Variants in LARP4 observed in about 807,000 individuals in gnomAD.
LARP4 encodes la-related protein 4.
A neutral mutation model predicts 92.9 loss-of-function variants in LARP4; 29 were observed. The observed-to-expected ratio is 0.31, with a 90% CI of 0.23 to 0.43. LARP4 has a LOEUF of 0.43. Ranked by LOEUF, LARP4 falls within the 20% of genes least tolerant of loss-of-function variation. The pLI is 1.00. For missense variants in LARP4, 732 were observed against 860.0 expected, an observed-to-expected ratio of 0.85 and a Z score of 1.86; for synonymous variants, 279 against 284.1, an observed-to-expected ratio of 0.98 and a Z score of 0.18.
At chr12:50,430,619 G>C in intron 4 of LARP4, 49 bp downstream of exon 4, 1 of 1,091,470 alleles carries the variant, frequency 9.2e-7, no homozygotes, top group Non-Finnish European at 1.4e-6. Flanking sequence ...TGTAAAATAC[G>C]TGTGAAATAG....
intron 7 of LARP4, among the ~76,000 whole-genome samples, chr12:50,440,911 TCTCA>T (rs1307721536): frequency 2.0e-5 from 3 of 149,912 alleles, no homozygotes; most frequent in African/African-American, 4.9e-5. Flanking sequence ...TGAGACGGAG[TCTCA>T]CTCTGTCGCC....
chr12:50,451,712 CT>C (rs1953225236), intron 8 of LARP4, among the ~76,000 whole-genome samples: 2 of 152,154 alleles, frequency 1.3e-5, no homozygotes, highest in South Asian at 4.1e-4. Context: ...CTGTATGTGC[CT>C]GTAATCCCAG....
At chr12:50,431,680 A>G (rs979884166) in intron 4 of LARP4, among the ~76,000 whole-genome samples, 5 of 151,874 alleles carry the variant, frequency 3.3e-5, no homozygotes, top group African/African-American at 1.2e-4. Flanking sequence ...CCTTGTCTCT[A>G]ATAAAAAATA....
chr12:50,405,055 CT>C lies in LARP4; in HGVS notation c.18+4041del, dbSNP rs79462398. Among the ~76,000 whole-genome samples the C allele has an allele frequency of 5.8e-3, 810 of 140,532 alleles. 2 individuals carry two copies. The highest frequency in any genetic ancestry group is 0.038 in the Middle Eastern group (10 of 266). 92.2% of individuals were successfully genotyped at this position (140,532 alleles called of 152,430 possible). ...TCAGGCATGTGCCACCATGCCTGGCCTTTTTTTTTTTTTTCCTGATTTTTAG... is the reference window on the plus strand; with the variant it reads ...TCAGGCATGTGCCACCATGCCTGGCCTTTTTTTTTTTTTCCTGATTTTTAG... On this transcript the variant is annotated intron_variant, in intron 1 of 15. Coordinates refer to ENST00000398473, the MANE Select transcript of LARP4 (RefSeq NM_052879.5).
At chr12:50,406,169 A>G (rs1422831886) in intron 1 of LARP4, among the ~76,000 whole-genome samples, 1 of 152,178 alleles carries the variant, frequency 6.6e-6, no homozygotes, top group African/African-American at 2.4e-5. Context: ...TAACTCTTAA[A>G]TAATTAAAAC....
At position 50,453,479 on chromosome 12, in the gene LARP4, A is replaced by G. The variant is rs1328691507; in HGVS notation, c.824A>G (p.Asn275Ser). 3 of 1,609,348 alleles carry G rather than the reference A, an allele frequency of 1.9e-6. No homozygotes were observed. Among genetic ancestry groups the G allele is most frequent in the East Asian group, 2.2e-5 (1 of 44,854 alleles). ...KPIMARIKAI[N>S]TFFAKNGYRL... The stretch of plus-strand genomic sequence containing the variant: ...TTCTAGGCAAGGATAAAAGCCATCA[A>G]TACATTTTTTGCTAAGAATGGTTAT... Residue 275 changes from asparagine (N) to serine (S), a missense_variant, in exon 9 of 16, where the codon AAT (asparagine) becomes AGT (serine). This residue lies in a region of LARP4 where 8 missense variants were observed against 26.3 expected (regional missense o/e 0.30). Coordinates refer to ENST00000398473, the MANE Select transcript of LARP4 (RefSeq NM_052879.5).
At chr12:50,469,643 G>T (rs1219502548) in intron 13 of LARP4, among the ~76,000 whole-genome samples, 1 of 150,038 alleles carries the variant, frequency 6.7e-6, no homozygotes, top group African/African-American at 2.5e-5. Flanking sequence ...GGGCACAGTG[G>T]CTCAAGCCTG....
At chr12:50,465,879 G>T (rs1956086556) in intron 12 of LARP4, among the ~76,000 whole-genome samples, 1 of 152,174 alleles carries the variant, frequency 6.6e-6, no homozygotes. Context: ...CATATAGGTA[G>T]TAGTTGAAGC....
At chr12:50,452,018 T>C (rs1414329494) in intron 8 of LARP4, among the ~76,000 whole-genome samples, 2 of 151,840 alleles carry the variant, frequency 1.3e-5, no homozygotes, top group African/African-American at 4.8e-5. Context: ...AATAAATAAA[T>C]AAACAACTGA....
At chr12:50,447,661 T>C (rs575072067) in intron 8 of LARP4, among the ~76,000 whole-genome samples, 2 of 152,192 alleles carry the variant, frequency 1.3e-5, no homozygotes, top group Admixed American at 1.3e-4. Context: ...CACTGCCACC[T>C]TGAACTCCTG....
chr12:50,457,955 A>C (rs1305128856), intron 10 of LARP4, among the ~76,000 whole-genome samples: 2 of 148,522 alleles, frequency 1.3e-5, no homozygotes, highest in East Asian at 4.0e-4. Flanking sequence ...TTTTTTTAAG[A>C]CAGTGTTTTG....
chr12:50,435,210 T>C (rs1950235872), intron 4 of LARP4, among the ~76,000 whole-genome samples: 1 of 152,252 alleles, frequency 6.6e-6, no homozygotes, highest in African/African-American at 2.4e-5. Flanking sequence ...ATTAAACCTC[T>C]TTATGTATCA....
chr12:50,421,993 G>A (rs1390123495), intron 1 of LARP4, among the ~76,000 whole-genome samples: 2 of 144,892 alleles, frequency 1.4e-5, no homozygotes, highest in Non-Finnish European at 3.0e-5. Flanking sequence ...TTTTTGAGAT[G>A]GAGTCTTGCT....
Position 50,462,609 on chromosome 12 carries a change from A to G in LARP4, c.1362A>G (p.Arg454=). 3.8e-6 allele frequency: 6 copies of G among 1,577,506 alleles called. No individual in the cohort carries two copies. The highest frequency in any genetic ancestry group is 3.4e-6 in the Non-Finnish European group (4 of 1,161,614). ...GRRTLFRGRR[R]REDDRISRPH... is the part of the protein sequence containing the mutation. ...GAACTCTCTTCAGAGGTCGAAGACG[A>G]CGAGAAGATGACAGGATCTCAGTAA... is the stretch of plus-strand genomic sequence containing the variant. Residue 454 remains arginine (R), a synonymous_variant, in exon 12 of 16, where the codon CGA becomes CGG. Transcript: ENST00000398473.
chr12:50,453,386 TTAAAATGTAAA>T, intron 8 of LARP4, 63 bp from the exon 9 acceptor site: 1 of 879,184 alleles, frequency 1.1e-6, no homozygotes, highest in East Asian at 2.7e-5. Flanking sequence ...AAAATATATG[TTAAAATGTAAA>T]TTAAATGTAT....
intron 13 of LARP4, among the ~76,000 whole-genome samples, chr12:50,471,707 G>T (rs1426468387): frequency 6.6e-6 from 1 of 152,134 alleles, no homozygotes; most frequent in African/African-American, 2.4e-5. Flanking sequence ...TTTCAGTAGA[G>T]ACAGGGTTTC....
chr12:50,426,717 G>T (rs1948802056), intron 1 of LARP4, among the ~76,000 whole-genome samples: 2 of 135,968 alleles, frequency 1.5e-5, no homozygotes, highest in African/African-American at 6.1e-5. Context: ...GTGTGTGTGT[G>T]TGTGTGTGTG....
In LARP4 at chr12:50,476,163, A is replaced by C. The variant is rs997650186; in HGVS notation, c.*299A>C. The C allele has an allele frequency of 6.3e-6, 1 of 157,712 alleles. No homozygotes were observed. The highest frequency in any genetic ancestry group is 6.5e-5 in the Admixed American group (1 of 15,432). The allele number at this position is 157,712 out of a possible 1,614,324, so 9.8% of individuals were successfully genotyped here. ...TTTTAATTTGCAGAGATTTGCTGCC[A>C]GGAATCAATTTTGAGGGTTCAGATT... is the stretch of plus-strand genomic sequence containing the variant. On this transcript the variant is annotated 3_prime_UTR_variant, in exon 16 of 16. Transcript: ENST00000398473.
chr12:50,476,207 A>G lies in LARP4; in HGVS notation c.*343A>G, dbSNP rs1484413863. On this transcript the variant is annotated 3_prime_UTR_variant, in exon 16 of 16. Transcript: ENST00000398473. The stretch of plus-strand genomic sequence containing the variant: ...TCAGATTTAGCTTGGAAGAAAAAAA[A>G]GAAACATACATCCTTCAGTATAGGA... 1 of 153,414 alleles carries G rather than the reference A, an allele frequency of 6.5e-6. No homozygotes were observed. Among genetic ancestry groups the G allele is most frequent in the Non-Finnish European group, 1.5e-5 (1 of 68,960 alleles). 9.5% of individuals were successfully genotyped at this position (153,414 alleles called of 1,614,324 possible). A position where few individuals can be genotyped will look rare whatever the true frequency, so the allele number is the denominator to read the frequency against.
Sources: allele counts gnomAD v4.1 joint callset (sites outside exome capture counted in the v4.1 genomes callset), GRCh38; gene constraint gnomAD v4.1.1; regional missense constraint gnomAD v4.1.1; transcripts MANE v1.5; gene names NCBI Gene and HGNC (gene_info 2026-07-23, HGNC 2026-07-21).